Variants in SENP6 observed in about 807,000 individuals in gnomAD.
The protein encoded by SENP6 is SUMO specific peptidase 6.
SENP6 carries 41 observed loss-of-function variants against 134.5 expected under a neutral mutation model. The observed-to-expected ratio is 0.30, with a 90% CI of 0.24 to 0.40. SENP6 has a LOEUF of 0.40. Among genes scored for constraint, SENP6 ranks in the 10% least tolerant of loss-of-function variants. The pLI, the probability that SENP6 is intolerant of heterozygous loss-of-function variation, is 1.00. For synonymous variants in SENP6, 395 were observed against 429.8 expected, an observed-to-expected ratio of 0.92 and a Z score of 1.00; for missense variants, 1,248 against 1,312.5, an observed-to-expected ratio of 0.95 and a Z score of 0.76.
chr6:75,672,891 A>C (rs555566121), intron 11 of SENP6, among the ~76,000 whole-genome samples: 1 of 152,022 alleles, frequency 6.6e-6, no homozygotes, highest in Non-Finnish European at 1.5e-5. Context: ...GCAGTGGCGC[A>C]ATCTCGGCTC....
intron 16 of SENP6, among the ~76,000 whole-genome samples, chr6:75,686,300 A>G (rs921252053): frequency 3.3e-5 from 5 of 152,058 alleles, no homozygotes; most frequent in African/African-American, 1.2e-4. Flanking sequence ...TCTGCATGTG[A>G]GATGGGTTTC....
At chr6:75,671,440 A>G (rs1319697733) in intron 11 of SENP6, among the ~76,000 whole-genome samples, 1 of 152,020 alleles carries the variant, frequency 6.6e-6, no homozygotes, top group Non-Finnish European at 1.5e-5. Context: ...AAGAGAACTT[A>G]TTGCCGGGCG....
chr6:75,665,849 A>G (rs1022237171), intron 9 of SENP6, among the ~76,000 whole-genome samples: 53 of 151,820 alleles, frequency 3.5e-4, no homozygotes, highest in Admixed American at 3.4e-3. Context: ...CAACATGGAG[A>G]AACCCCATCT....
chr6:75,677,908 C>T (rs1290652216), intron 14 of SENP6: 2 of 152,396 alleles, frequency 1.3e-5, no homozygotes, highest in African/African-American at 2.4e-5. Context: ...ATCTCTCACA[C>T]TGCCTACAAA....
chr6:75,713,403 G>C, intron 21 of SENP6, 110 bp from the exon 22 acceptor site: 1 of 873,662 alleles, frequency 1.1e-6, no homozygotes, highest in Non-Finnish European at 1.8e-6. Flanking sequence ...GTCATACAAA[G>C]GGGATTTTGA....
intron 5 of SENP6, among the ~76,000 whole-genome samples, chr6:75,637,612 CT>C (rs1023391335): frequency 6.6e-6 from 1 of 152,046 alleles, no homozygotes; most frequent in African/African-American, 2.4e-5. Flanking sequence ...TGATGTTTTA[CT>C]TACACTTTCA....
At chr6:75,699,614 AGTAGCTGGGAC>A (rs1357106167) in intron 18 of SENP6, among the ~76,000 whole-genome samples, 7 of 151,812 alleles carry the variant, frequency 4.6e-5, no homozygotes, top group Non-Finnish European at 1.0e-4. Context: ...CAGCCTCCTG[AGTAGCTGGGAC>A]TATAGGTGCA....
intron 7 of SENP6, among the ~76,000 whole-genome samples, chr6:75,652,895 G>A (rs1212352607): frequency 1.3e-5 from 2 of 151,876 alleles, no homozygotes; most frequent in Middle Eastern, 3.4e-3. Flanking sequence ...ATGATTAATG[G>A]CCATTTGAAT....
chr6:75,707,903 A>G (rs189954453), intron 19 of SENP6, among the ~76,000 whole-genome samples: 68 of 151,980 alleles, frequency 4.5e-4, no homozygotes, highest in African/African-American at 1.6e-3. Context: ...TGCCCAGGTG[A>G]TCCTTCTGAA....
chr6:75,693,947 T>A (rs1428103841), intron 16 of SENP6, among the ~76,000 whole-genome samples: 1 of 151,162 alleles, frequency 6.6e-6, no homozygotes, highest in Non-Finnish European at 1.5e-5. Context: ...TATAAAAAAA[T>A]AACTAAGGCA....
intron 19 of SENP6, among the ~76,000 whole-genome samples, chr6:75,708,609 G>A (rs9447536): frequency 6.6e-6 from 1 of 151,912 alleles, no homozygotes; most frequent in Non-Finnish European, 1.5e-5. Context: ...AAATAAATAA[G>A]TGAGGCCAGG....
intron 1 of SENP6, among the ~76,000 whole-genome samples, chr6:75,608,508 A>C (rs1303061225): frequency 6.6e-6 from 1 of 151,908 alleles, no homozygotes. Context: ...AGAGGAAAGG[A>C]GGAAGGAAAG....
At chr6:75,699,182 C>T (rs1420898647) in intron 18 of SENP6, among the ~76,000 whole-genome samples, 1 of 151,932 alleles carries the variant, frequency 6.6e-6, no homozygotes, top group African/African-American at 2.4e-5. Context: ...TGATTATACA[C>T]GATTTAGGAA....
intron 1 of SENP6, among the ~76,000 whole-genome samples, chr6:75,609,481 A>G (rs1241777495): frequency 6.6e-6 from 1 of 152,210 alleles, no homozygotes; most frequent in Non-Finnish European, 1.5e-5. Context: ...GAGGGAGTAG[A>G]TTCCACCCTT....
chr6:75,647,762 G>T lies in SENP6; in HGVS notation c.511G>T (p.Glu171Ter). The T allele has an allele frequency of 6.2e-7, 1 of 1,612,700 alleles. No individual in the cohort carries two copies. The highest frequency in any genetic ancestry group is 8.5e-7 in the Non-Finnish European group (1 of 1,179,078). Residue 171 changes from glutamate (E) to a stop codon, truncating the protein, a stop_gained, in exon 7 of 24, where the codon GAA becomes TAA. Transcript: ENST00000447266. LOFTEE classifies it high-confidence loss of function. ...KEYPPHVQKV[E>*]INPVRLSRLQ... Reference sequence around the variant, plus strand: ...ATACCCACCTCATGTCCAAAAAGTTGAAATTAATCCTGTAAGGTTAAGTCG... The same window carrying T: ...ATACCCACCTCATGTCCAAAAAGTTTAAATTAATCCTGTAAGGTTAAGTCG...
intron 18 of SENP6, among the ~76,000 whole-genome samples, chr6:75,698,927 C>G (rs1416920370): frequency 1.3e-5 from 2 of 151,576 alleles, no homozygotes; most frequent in African/African-American, 4.8e-5. Flanking sequence ...AGGAGGATCG[C>G]CTGAACCCGG....
chr6:75,606,378 C>T (rs916825165), intron 1 of SENP6, among the ~76,000 whole-genome samples: 3 of 152,146 alleles, frequency 2.0e-5, no homozygotes, highest in Admixed American at 2.0e-4. Context: ...TTGCTCATAA[C>T]CCCTTTTCCA....
chr6:75,694,403 TTAAAA>T (rs1774512322), intron 16 of SENP6, among the ~76,000 whole-genome samples: 1 of 152,240 alleles, frequency 6.6e-6, no homozygotes, highest in Non-Finnish European at 1.5e-5. Flanking sequence ...ACTGAACTGT[TTAAAA>T]TGAAATAAAC....
intron 23 of SENP6, among the ~76,000 whole-genome samples, chr6:75,714,557 A>G (rs1775930896): frequency 6.6e-6 from 1 of 152,166 alleles, no homozygotes; most frequent in East Asian, 1.9e-4. Flanking sequence ...CATAAATCTA[A>G]TCCTGTTACT....
Sources: allele counts gnomAD v4.1 joint callset (sites outside exome capture counted in the v4.1 genomes callset), GRCh38; gene constraint gnomAD v4.1.1; transcripts MANE v1.5; gene names NCBI Gene and HGNC (gene_info 2026-07-23, HGNC 2026-07-21).